Variants in COL17A1 observed in about 807,000 individuals in gnomAD.
COL17A1 encodes the protein collagen alpha-1(XVII) chain.
A neutral mutation model predicts 218.4 loss-of-function variants in COL17A1; 181 were observed. That is an observed-to-expected ratio of 0.83 (90% CI 0.73 to 0.94). The LOEUF is 0.94. COL17A1 is among the 40% of genes least tolerant of loss of function. The pLI is 0.00. For synonymous variants in COL17A1, 721 were observed against 731.0 expected (o/e 0.99, Z 0.22); for missense variants, 1,924 against 1,945.9 (o/e 0.99, Z 0.21).
At chr10:104,070,392 C>T (rs1301660470) in intron 9 of COL17A1, 34 bp downstream of exon 9, 2 of 1,612,216 alleles carry the variant, frequency 1.2e-6, no homozygotes, top group Admixed American at 1.7e-5. Context: ...GTTTGTTTCT[C>T]ACACTCCTCG....
At chr10:104,033,423 C>T in intron 52 of COL17A1, 48 bp from the exon 53 acceptor site, 3 of 1,597,194 alleles carry the variant, frequency 1.9e-6, no homozygotes, top group Non-Finnish European at 2.6e-6. Flanking sequence ...TCTCCCAGTA[C>T]CCTCTTCAGC....
Position 104,063,826 on chromosome 10 carries a change from G to C in COL17A1, c.767-8C>G. 1 of 1,614,122 alleles carries C rather than the reference G, an allele frequency of 6.2e-7. No individual in the cohort carries two copies. The highest frequency in any genetic ancestry group is 8.5e-7 in the Non-Finnish European group (1 of 1,179,994). On this transcript the variant is annotated splice_region_variant and splice_polypyrimidine_tract_variant and intron_variant, in intron 10 of 55. Coordinates refer to ENST00000648076, the MANE Select transcript of COL17A1 (RefSeq NM_000494.4). Reference sequence around the variant, plus strand: ...TGTTTGGAACTCCGAAGACTGCAGGGGCAAGGAGGAAGGCTGGTGAGAGGG... The same window carrying C: ...TGTTTGGAACTCCGAAGACTGCAGGCGCAAGGAGGAAGGCTGGTGAGAGGG...
chr10:104,061,916 T>G (rs890326181), intron 12 of COL17A1, among the ~76,000 whole-genome samples: 3 of 151,892 alleles, frequency 2.0e-5, no homozygotes, highest in African/African-American at 7.3e-5. Context: ...CTGTAGGGGG[T>G]GCACCATAAA....
intron 23 of COL17A1, 125 bp downstream of exon 23, chr10:104,052,906 G>T (rs2134610465): frequency 1.7e-6 from 2 of 1,191,062 alleles, no homozygotes; most frequent in Admixed American, 3.4e-5. Context: ...CCTGACTCAG[G>T]GTGGGTGCTC....
chr10:104,044,972 C>T lies in COL17A1; in HGVS notation c.2398+786G>A, dbSNP rs2086394950. 2.0e-5 allele frequency among the ~76,000 whole-genome samples: 3 copies of T among 152,128 alleles called. No homozygotes were observed. In the South Asian group the frequency reaches 6.2e-4, roughly 32 times the overall value. On this transcript the variant is annotated intron_variant, in intron 33 of 55. Coordinates refer to ENST00000648076, the MANE Select transcript of COL17A1 (RefSeq NM_000494.4). ...CCCAATCAGTCATTGGAAATGATTT[C>T]TGGAAAGTGGTTATTTTAGGGTCCC...
chr10:104,032,634 C>T, intron 55 of COL17A1, 40 bp downstream of exon 55: 1 of 1,583,460 alleles, frequency 6.3e-7, no homozygotes, highest in Non-Finnish European at 8.7e-7. Context: ...AGCCTTGCAG[C>T]CCTCCAGAAC....
chr10:104,040,396 C>G lies in COL17A1; in HGVS notation c.2716G>C (p.Gly906Arg). Reference sequence around the variant, plus strand: ...GGGGGGCCAGGTGGGCCTGGGGGGCCGGAGAGGAAGGTTTCTGCAGAGGAA... The same window carrying G: ...GGGGGGCCAGGTGGGCCTGGGGGGCGGGAGAGGAAGGTTTCTGCAGAGGAA... ...FLSNSETFLS[G>R]PPGPPGPPGP... The change falls in exon 40 of 56, where the codon GGC becomes CGC. Residue 906 changes from glycine to arginine, a missense_variant. Transcript: ENST00000648076. 1 of 1,610,820 alleles carries G rather than the reference C, an allele frequency of 6.2e-7. No homozygotes were observed. The highest frequency in any genetic ancestry group is 1.3e-5 in the African/African-American group (1 of 74,974).
chr10:104,044,768 G>A (rs979980504), intron 33 of COL17A1, among the ~76,000 whole-genome samples: 2 of 152,062 alleles, frequency 1.3e-5, no homozygotes, highest in East Asian at 1.9e-4. Flanking sequence ...GAAGTCACGG[G>A]CCCTCAAAAA....
intron 6 of COL17A1, 165 bp downstream of exon 6, chr10:104,074,019 G>T: frequency 1.9e-6 from 2 of 1,025,916 alleles, no homozygotes; most frequent in Non-Finnish European, 1.5e-6. Flanking sequence ...CCCTTAATAT[G>T]CTTCAGGATA....
chr10:104,063,048 T>G (rs1185795660), intron 11 of COL17A1, among the ~76,000 whole-genome samples: 1 of 152,216 alleles, frequency 6.6e-6, no homozygotes. Flanking sequence ...TTGGTGGGCC[T>G]CTAGTCAACT....
intron 29 of COL17A1, 40 bp from the exon 30 acceptor site, chr10:104,048,144 G>A (rs1191787666): frequency 6.2e-7 from 1 of 1,611,834 alleles, no homozygotes; most frequent in East Asian, 2.2e-5. Flanking sequence ...TGCTCCTGGA[G>A]TGATTTCTGC....
chr10:104,049,768 T>C (rs1459547401), intron 28 of COL17A1, among the ~76,000 whole-genome samples: 6 of 152,252 alleles, frequency 3.9e-5, no homozygotes, highest in Non-Finnish European at 7.3e-5. Flanking sequence ...AGGTCAGTGG[T>C]TGAGAGGATA....
At chr10:104,074,329 C>T in intron 5 of COL17A1, 98 bp from the exon 6 acceptor site, 2 of 1,540,290 alleles carry the variant, frequency 1.3e-6, no homozygotes, top group Admixed American at 1.7e-5. Context: ...TGGACCTCCA[C>T]AGCCCTCAGT....
chr10:104,049,505 T>C, intron 28 of COL17A1, 34 bp from the exon 29 acceptor site: 1 of 1,608,722 alleles, frequency 6.2e-7, no homozygotes, highest in Non-Finnish European at 8.5e-7. Context: ...GGTTGGACAC[T>C]TGCAAGCTGT....
At chr10:104,045,580 G>A (rs2086400539) in intron 33 of COL17A1, among the ~76,000 whole-genome samples, 178 bp downstream of exon 33, 2 of 152,120 alleles carry the variant, frequency 1.3e-5, no homozygotes, top group African/African-American at 4.8e-5. Context: ...GGTGGGGCTT[G>A]AGGACTGGGC....
At chr10:104,047,717 C>G (rs2086426439) in intron 31 of COL17A1, 22 bp downstream of exon 31, 1 of 1,603,998 alleles carries the variant, frequency 6.2e-7, no homozygotes, top group African/African-American at 1.3e-5. Flanking sequence ...AGGGCCATGG[C>G]TCCCTCTTCC....
Position 104,034,321 on chromosome 10 carries a change from G to T in COL17A1, c.3780C>A (p.Arg1260=). Residue 1260 remains arginine (R), a synonymous_variant, in exon 52 of 56, where the codon CGC becomes CGA. Transcript: ENST00000648076. The part of the protein sequence containing the change: ...LISYLTSPDV[R]SFIVGPPGPP... The stretch of plus-strand genomic sequence containing the variant: ...GGCCTGGGGGGCCAACAATGAAGCT[G>T]CGCACATCAGGACCTGCAGGGTGAG... 19 of 1,560,990 alleles carry T rather than the reference G, an allele frequency of 1.2e-5. No individual in the cohort carries two copies. Among genetic ancestry groups the T allele is most frequent in the Non-Finnish European group, 1.6e-5 (19 of 1,159,244 alleles).
At position 104,041,998 on chromosome 10, in the gene COL17A1, G is replaced by A. The variant is rs553370560; in HGVS notation, c.2551+422C>T. The stretch of plus-strand genomic sequence containing the variant: ...AACACAGTGATAGCTCAGAGTGAGC[G>A]CTGGACCGGGTGGGCTGAAGCCTCT... On this transcript the variant is annotated intron_variant, in intron 36 of 55. Coordinates refer to ENST00000648076, the MANE Select transcript of COL17A1 (RefSeq NM_000494.4). Among the ~76,000 whole-genome samples, 64 of 152,242 alleles carry A rather than the reference G, an allele frequency of 4.2e-4. No homozygotes were observed. In the South Asian group the frequency reaches 9.9e-3, roughly 24 times the overall value.
chr10:104,069,734 C>T lies in COL17A1; in HGVS notation c.607+692G>A, dbSNP rs11591291. Among the ~76,000 whole-genome samples, 1,484 of 151,982 alleles carry T rather than the reference C, an allele frequency of 9.8e-3. 24 individuals carry two copies. Among genetic ancestry groups the T allele is most frequent in the African/African-American group, 0.034 (1,421 of 41,444 alleles). On this transcript the variant is annotated intron_variant, in intron 9 of 55. Transcript: ENST00000648076. The stretch of plus-strand genomic sequence containing the variant: ...TTAAAAGGACTTCGAACTCAAACCC[C>T]GCCTCTTGAGTTCACAGTTCACCAC...
Sources: allele counts gnomAD v4.1 joint callset (sites outside exome capture counted in the v4.1 genomes callset), GRCh38; gene constraint gnomAD v4.1.1; transcripts MANE v1.5; gene names NCBI Gene and HGNC (gene_info 2026-07-23, HGNC 2026-07-21).